Variants in TBCK observed in about 807,000 individuals in gnomAD.
TBCK encodes TBC1 domain containing kinase.
TBCK carries 99 observed loss-of-function variants against 113.4 expected under a neutral mutation model. The ratio of observed to expected loss-of-function variants is 0.87; its 90% CI spans 0.74 to 1.03. The LOEUF (loss-of-function observed/expected upper bound fraction) is 1.03. Among genes scored for constraint, TBCK ranks in the 50% least tolerant of loss-of-function variants. The pLI is 0.00. For synonymous variants in TBCK, 369 were observed against 370.8 expected (o/e 1.00, Z 0.05); for missense variants, 1,045 against 1,061.3 (o/e 0.98, Z 0.21).
chr4:106,251,679 T>C lies in TBCK; in HGVS notation c.597+187A>G, dbSNP rs112248220. ...CATTTACATTCACACTTAGTAAAAG[T>C]ATGTTTCCAGAGATGCCAAAAAATA... On this transcript the variant is annotated intron_variant, in intron 6 of 25. Coordinates refer to ENST00000394708, the MANE Select transcript of TBCK (RefSeq NM_001163435.3). 2.5e-3 allele frequency among the ~76,000 whole-genome samples: 379 copies of C among 152,106 alleles called. 2 individuals carry two copies. Among genetic ancestry groups the C allele is most frequent in the African/African-American group, 8.6e-3 (359 of 41,548 alleles).
intron 13 of TBCK, 64 bp downstream of exon 13, chr4:106,236,695 A>T: frequency 9.4e-7 from 1 of 1,065,732 alleles, no homozygotes; most frequent in Non-Finnish European, 1.3e-6. Flanking sequence ...AATGTATAAA[A>T]TTCTTATAAA....
chr4:106,094,790 A>T (rs1740724721), intron 25 of TBCK, among the ~76,000 whole-genome samples: 1 of 152,198 alleles, frequency 6.6e-6, no homozygotes, highest in South Asian at 2.1e-4. Flanking sequence ...TACCTCTGCT[A>T]CTTTTCTAGG....
At chr4:106,252,636 C>A (rs12642059) in intron 5 of TBCK, among the ~76,000 whole-genome samples, 21,462 of 151,918 alleles carry the variant, frequency 0.14, 1,708 homozygotes, top group South Asian at 0.25. Flanking sequence ...CCAATAATTT[C>A]ATTGATGTAC....
chr4:106,108,195 C>T (rs1742401859), intron 24 of TBCK, among the ~76,000 whole-genome samples: 1 of 152,142 alleles, frequency 6.6e-6, no homozygotes, highest in Non-Finnish European at 1.5e-5. Flanking sequence ...GAGCTGGTAC[C>T]ATTCCTACTG....
At chr4:106,142,721 A>C (rs1747278040) in intron 23 of TBCK, among the ~76,000 whole-genome samples, 1 of 152,230 alleles carries the variant, frequency 6.6e-6, no homozygotes, top group Admixed American at 6.5e-5. Context: ...GGAAGATCTC[A>C]GTGCAAGACC....
In TBCK at chr4:106,044,421, A is replaced by C. The variant is rs1174651705; in HGVS notation, c.*2149T>G. ...TATATTTGTTCTCATTAATTCTCACATTTTTTTCCTTGTAAACTAGGTAAG... is the reference window on the plus strand; with the variant it reads ...TATATTTGTTCTCATTAATTCTCACCTTTTTTTCCTTGTAAACTAGGTAAG... On this transcript the variant is annotated 3_prime_UTR_variant, in exon 26 of 26. Coordinates refer to ENST00000394708, the MANE Select transcript of TBCK (RefSeq NM_001163435.3). 1 of 152,158 alleles carries C rather than the reference A, an allele frequency of 6.6e-6. No individual in the cohort carries two copies. Among genetic ancestry groups the C allele is most frequent in the East Asian group, 1.9e-4 (1 of 5,204 alleles). 9.4% of individuals were successfully genotyped at this position (152,158 alleles called of 1,614,324 possible). A position where few individuals can be genotyped will look rare whatever the true frequency, so the allele number is the denominator to read the frequency against.
chr4:106,182,862 A>G (rs979334190), intron 22 of TBCK, among the ~76,000 whole-genome samples: 2 of 152,104 alleles, frequency 1.3e-5, no homozygotes, highest in African/African-American at 4.8e-5. Context: ...ATCTATCACT[A>G]CTTAATGTAC....
chr4:106,222,931 C>T (rs1174585796), intron 19 of TBCK, among the ~76,000 whole-genome samples: 1 of 152,034 alleles, frequency 6.6e-6, no homozygotes, highest in African/African-American at 2.4e-5. Context: ...CATTTGTGAA[C>T]CACTTTCTTT....
chr4:106,058,720 T>G (rs969824472), intron 25 of TBCK, among the ~76,000 whole-genome samples: 1 of 151,682 alleles, frequency 6.6e-6, no homozygotes, highest in African/African-American at 2.4e-5. Flanking sequence ...AAAAGATGAT[T>G]AGGATTCGAA....
intron 1 of TBCK, among the ~76,000 whole-genome samples, chr4:106,313,688 A>G (rs1768434142): frequency 6.6e-6 from 1 of 152,196 alleles, no homozygotes; most frequent in South Asian, 2.1e-4. Flanking sequence ...GTTCAAATTA[A>G]ACAGAAAGCC....
intron 25 of TBCK, among the ~76,000 whole-genome samples, chr4:106,089,599 T>C (rs770876207): frequency 1.3e-4 from 20 of 152,208 alleles, no homozygotes; most frequent in Non-Finnish European, 2.9e-4. Flanking sequence ...CCATTGATCC[T>C]ATGAGCCTGT....
intron 24 of TBCK, among the ~76,000 whole-genome samples, chr4:106,100,639 C>T (rs758874634): frequency 6.6e-6 from 1 of 152,166 alleles, no homozygotes; most frequent in Non-Finnish European, 1.5e-5. Flanking sequence ...CTACCCTCAT[C>T]CATCCTCTAC....
intron 2 of TBCK, among the ~76,000 whole-genome samples, chr4:106,299,769 T>C (rs1274207505): frequency 1.3e-5 from 2 of 152,204 alleles, no homozygotes; most frequent in African/African-American, 4.8e-5. Flanking sequence ...AATCATAATG[T>C]GCCAAATATA....
intron 3 of TBCK, among the ~76,000 whole-genome samples, chr4:106,262,421 A>T (rs925112969): frequency 2.0e-5 from 3 of 152,044 alleles, no homozygotes; most frequent in African/African-American, 7.2e-5. Context: ...AATCTGACAA[A>T]GATCCTACAG....
chr4:106,095,720 C>T, intron 24 of TBCK, 79 bp from the exon 25 acceptor site: 1 of 1,319,864 alleles, frequency 7.6e-7, no homozygotes, highest in African/African-American at 1.5e-5. Flanking sequence ...AGCTAAGTGA[C>T]TCCCAGAAGA....
chr4:106,092,609 G>T (rs1740416852), intron 25 of TBCK, among the ~76,000 whole-genome samples: 1 of 152,228 alleles, frequency 6.6e-6, no homozygotes, highest in South Asian at 2.1e-4. Flanking sequence ...GCACTGCTGG[G>T]GGACCTGGCG....
At chr4:106,120,910 T>C (rs1219621634) in intron 23 of TBCK, among the ~76,000 whole-genome samples, 1 of 151,998 alleles carries the variant, frequency 6.6e-6, no homozygotes, top group Non-Finnish European at 1.5e-5. Flanking sequence ...GCAGAGCTCC[T>C]CTCCTCCTCC....
chr4:106,275,538 C>T (rs972449425), intron 3 of TBCK, among the ~76,000 whole-genome samples: 7 of 151,788 alleles, frequency 4.6e-5, no homozygotes, highest in African/African-American at 1.7e-4. Context: ...AAGGAATCCA[C>T]CAAAAAACTA....
At chr4:106,246,879 ATC>A (rs1760875766) in intron 10 of TBCK, among the ~76,000 whole-genome samples, 1 of 152,036 alleles carries the variant, frequency 6.6e-6, no homozygotes, top group Non-Finnish European at 1.5e-5. Context: ...GAGACAGGAT[ATC>A]TCTACGTTGA....
Sources: gnomAD v4.1 joint callset for allele counts (sites outside exome capture counted in the v4.1 genomes callset) on GRCh38, gnomAD v4.1.1 for gene constraint, MANE v1.5 for transcripts, NCBI Gene and HGNC (gene_info 2026-07-23, HGNC 2026-07-21) for gene names.